The following CCNI variants were observed in gnomAD, a reference collection of about 807,000 sequenced individuals.
The protein encoded by CCNI is cyclin I, also known as cyclin-I.
Under a neutral mutation model 34.1 loss-of-function variants are expected in CCNI, and 14 were observed. That is an observed-to-expected ratio of 0.41 (90% CI 0.27 to 0.64). The LOEUF (loss-of-function observed/expected upper bound fraction) is 0.64. Ranked by LOEUF, CCNI falls within the 30% of genes least tolerant of loss-of-function variation. CCNI has a pLI of 0.31. For missense variants in CCNI, 385 were observed against 440.5 expected (o/e 0.87, Z 1.13); for synonymous variants, 154 against 158.4 (o/e 0.97, Z 0.21).
At chr4:77,052,512 C>T (rs1028794914) in intron 6 of CCNI, among the ~76,000 whole-genome samples, 1 of 152,056 alleles carries the variant, frequency 6.6e-6, no homozygotes, top group South Asian at 2.1e-4. Flanking sequence ...TTAACAGGGA[C>T]AAAAGGAAGA....
chr4:77,057,815 A>C (rs192943779), intron 3 of CCNI, among the ~76,000 whole-genome samples: 52 of 152,338 alleles, frequency 3.4e-4, no homozygotes, highest in African/African-American at 1.1e-3. Flanking sequence ...CACAGTATGG[A>C]TATTCAATAA....
chr4:77,075,877 G>T lies in CCNI; in HGVS notation c.-449C>A, dbSNP rs1483003437. On this transcript the variant is annotated 5_prime_UTR_variant, in exon 1 of 7. Transcript: ENST00000237654. The stretch of plus-strand genomic sequence containing the variant: ...CCGAGGGGAAATGGTGAAAGGGGGG[G>T]AGGGGAGAAAAGAAAAGAAAAAAAA... 1 of 149,416 alleles carries T rather than the reference G, an allele frequency of 6.7e-6. No homozygotes were observed. The highest frequency in any genetic ancestry group is 1.5e-5 in the Non-Finnish European group (1 of 67,356). The allele number at this position is 149,416 out of a possible 1,614,324, so 9.3% of individuals were successfully genotyped here.
intron 6 of CCNI, among the ~76,000 whole-genome samples, chr4:77,052,787 T>C (rs1727957090): frequency 6.6e-6 from 1 of 152,206 alleles, no homozygotes; most frequent in Admixed American, 6.5e-5. Context: ...TTAGACCTGG[T>C]GTTCCCTACC....
chr4:77,062,580 AT>A (rs1728688067), intron 2 of CCNI, among the ~76,000 whole-genome samples: 1 of 152,044 alleles, frequency 6.6e-6, no homozygotes, highest in African/African-American at 2.4e-5. Context: ...AAAAAATTAA[AT>A]TTTTCCTTTT....
intron 6 of CCNI, among the ~76,000 whole-genome samples, chr4:77,053,865 T>C (rs1358130314): frequency 2.0e-5 from 3 of 152,152 alleles, no homozygotes; most frequent in Non-Finnish European, 4.4e-5. Context: ...TTATCATAAT[T>C]TCTAAAAATT....
In CCNI at chr4:77,055,305, C is replaced by A. The variant is rs868817402; in HGVS notation, c.535G>T (p.Ala179Ser). Residue 179 changes from alanine to serine, a missense_variant, in exon 6 of 7, where the codon GCA becomes TCA. By Grantham distance (99) the Ala-to-Ser change is moderately conservative (BLOSUM62 1). This residue lies in a region of CCNI where 250 missense variants were observed against 248.7 expected (regional missense o/e 1.01). Transcript: ENST00000237654. ...LPKLSPSQHLAVLTKQLLHCM... is the reference protein window; with the variant it reads ...LPKLSPSQHLSVLTKQLLHCM... ...TGAAGTAGTTGCTTGGTAAGGACTG[C>A]CAAATGTTGAGATGGGCTCAATTTG... 6.2e-7 allele frequency: 1 copy of A among 1,613,998 alleles called. No individual in the cohort carries two copies. The highest frequency in any genetic ancestry group is 1.3e-5 in the African/African-American group (1 of 74,900).
intron 1 of CCNI, among the ~76,000 whole-genome samples, chr4:77,073,436 C>T (rs772928739): frequency 2.2e-4 from 33 of 152,206 alleles, no homozygotes; most frequent in Middle Eastern, 3.2e-3. Context: ...TTGCTATCAT[C>T]ATCACACCAA....
At chr4:77,061,586 A>C (rs576105316) in intron 2 of CCNI, among the ~76,000 whole-genome samples, 45 of 152,310 alleles carry the variant, frequency 3.0e-4, no homozygotes, top group Non-Finnish European at 5.0e-4. Flanking sequence ...TTAAACTCTA[A>C]AAGGTTCACC....
intron 1 of CCNI, among the ~76,000 whole-genome samples, chr4:77,068,756 A>T (rs561408322): frequency 1.4e-5 from 2 of 147,060 alleles, no homozygotes; most frequent in South Asian, 4.1e-4. Flanking sequence ...AAAATAAAAA[A>T]TTTGGAAAAG....
intron 1 of CCNI, among the ~76,000 whole-genome samples, chr4:77,070,685 T>C (rs1254539730): frequency 1.3e-5 from 2 of 152,110 alleles, no homozygotes. Context: ...CAGACATAAG[T>C]ATTAACACTA....
rs776741206 is a variant in CCNI at position 77,048,392 on chromosome 4, T to G, written c.961A>C (p.Thr321Pro). The change falls in exon 7 of 7, where the codon ACT becomes CCT. Residue 321 changes from threonine to proline, a missense_variant. Transcript: ENST00000237654. ...TCCATTTCCTCTACTTTGCGTTTAG[T>G]AGAGGTCTGCTTGCACCCACTGGCA... ...PAASGCKQTS[T>P]KRKVEEMEVD... The G allele has an allele frequency of 1.7e-5, 28 of 1,614,156 alleles. No individual in the cohort carries two copies. In the East Asian group the frequency reaches 6.0e-4, roughly 35 times the overall value.
rs1729007481 is a variant in CCNI, at chr4:77,065,996, G to A, written c.114+253C>T. Among the ~76,000 whole-genome samples, 6 of 152,192 alleles carry A rather than the reference G, an allele frequency of 3.9e-5. No individual in the cohort carries two copies. In the South Asian group the frequency reaches 1.2e-3, roughly 32 times the overall value. ...TGCGCCTGTAGTCCCAGCTACTCAG[G>A]AGGCTGAGGTGAGAGGATTGCTTGA... is the stretch of plus-strand genomic sequence containing the variant. On this transcript the variant is annotated intron_variant, in intron 2 of 6. Coordinates refer to ENST00000237654, the MANE Select transcript of CCNI (RefSeq NM_006835.3).
At position 77,055,381 on chromosome 4, in the gene CCNI, C is replaced by A. The variant is rs770862061; in HGVS notation, c.460-1G>T. ...TAGTTGACACTGCAATGGCATGGAA[C>A]TGAAAATCACAAGAACATCATTTTA... On this transcript the variant is annotated splice_acceptor_variant, in intron 5 of 6. Coordinates refer to ENST00000237654, the MANE Select transcript of CCNI (RefSeq NM_006835.3). LOFTEE classifies it high-confidence loss of function. The A allele has an allele frequency of 1.9e-6, 3 of 1,589,414 alleles. No homozygotes were observed. The African/African-American group carries it at 4.0e-5, about 21-fold the overall frequency.
chr4:77,055,463 T>A, intron 5 of CCNI, 83 bp from the exon 6 acceptor site: 4 of 921,606 alleles, frequency 4.3e-6, no homozygotes, highest in Non-Finnish European at 6.6e-6. Context: ...CTATTCAATT[T>A]CTTTTTTTTT....
intron 3 of CCNI, among the ~76,000 whole-genome samples, chr4:77,057,301 G>A (rs545223353): frequency 6.6e-6 from 1 of 152,242 alleles, no homozygotes; most frequent in South Asian, 2.1e-4. Context: ...TCTATCATGA[G>A]TTTCTTGCTG....
chr4:77,048,508 G>T lies in CCNI; in HGVS notation c.845C>A (p.Ser282Tyr). 1 of 1,614,128 alleles carries T rather than the reference G, an allele frequency of 6.2e-7. No homozygotes were observed. The highest frequency in any genetic ancestry group is 8.5e-7 in the Non-Finnish European group (1 of 1,179,998). ...GGAGAAGTCTGGGCCTGGGACAGAG[G>T]AGGGATGTAATCTGAACACTCCTTT... Reference protein sequence around the residue: ...CDKGVFRLHPSSVPGPDFSKD... With the variant: ...CDKGVFRLHPYSVPGPDFSKD... Residue 282 changes from serine to tyrosine, a missense_variant, in exon 7 of 7, where the codon TCC (serine) becomes TAC (tyrosine). Coordinates refer to ENST00000237654, the MANE Select transcript of CCNI (RefSeq NM_006835.3).
rs192550890 is a variant in CCNI, at chr4:77,061,673, T to C, written c.115-3038A>G. On this transcript the variant is annotated intron_variant, in intron 2 of 6. Transcript: ENST00000237654. ...CCTACCTCTTCTTTGTTGTTGTTGT[T>C]TTTGTTTTTTGTTTTTGAGACAGTC... Among the ~76,000 whole-genome samples, 538 of 152,154 alleles carry C rather than the reference T, an allele frequency of 3.5e-3. 7 individuals carry two copies. The highest frequency in any genetic ancestry group is 1.7e-3 in the Non-Finnish European group (116 of 68,000).
Position 77,054,574 on chromosome 4 carries a change from T to C in CCNI, c.690+576A>G, listed in dbSNP as rs201115131. Among the ~76,000 whole-genome samples, 4 of 152,336 alleles carry C rather than the reference T, an allele frequency of 2.6e-5. No individual in the cohort carries two copies. The East Asian group carries it at 7.7e-4, about 29-fold the overall frequency. ...GAATTTTCTCCACTGAACCTTTACA[T>C]TTTACTTAGGTAGTTGATAATTTAT... On this transcript the variant is annotated intron_variant, in intron 6 of 6. Transcript: ENST00000237654.
chr4:77,066,785 C>T (rs1429787412), intron 1 of CCNI, among the ~76,000 whole-genome samples: 1 of 152,192 alleles, frequency 6.6e-6, no homozygotes, highest in Non-Finnish European at 1.5e-5. Flanking sequence ...TAACATTTTT[C>T]CTTCATTAAA....
Sources: allele counts gnomAD v4.1 joint callset (sites outside exome capture counted in the v4.1 genomes callset), GRCh38; gene constraint gnomAD v4.1.1; regional missense constraint gnomAD v4.1.1; transcripts MANE v1.5; gene names NCBI Gene and HGNC (gene_info 2026-07-23, HGNC 2026-07-21).